CABLES1: variants seen among roughly 807,000 people sequenced by gnomAD.
The protein encoded by CABLES1 is Cdk5 and Abl enzyme substrate 1, also known as CDK5 and ABL1 enzyme substrate 1.
CABLES1 carries 36 observed loss-of-function variants against 57.8 expected under a neutral mutation model. The observed-to-expected ratio is 0.62, with a 90% CI of 0.48 to 0.82. The LOEUF (loss-of-function observed/expected upper bound fraction) is 0.82. Ranked by LOEUF, CABLES1 falls within the 40% of genes least tolerant of loss-of-function variation. The pLI is 0.00. For synonymous variants in CABLES1, 374 were observed against 363.0 expected (o/e 1.03, Z -0.35); for missense variants, 767 against 836.6 (o/e 0.92, Z 1.03).
chr18:23,168,648 CAG>C (rs1351961671), intron 1 of CABLES1, among the ~76,000 whole-genome samples: 2 of 152,162 alleles, frequency 1.3e-5, no homozygotes, highest in Non-Finnish European at 2.9e-5. Context: ...AAAACAAAAA[CAG>C]GGCATGGAGC....
intron 1 of CABLES1, among the ~76,000 whole-genome samples, chr18:23,174,901 A>G (rs961859428): frequency 1.4e-5 from 2 of 147,674 alleles, no homozygotes; most frequent in African/African-American, 2.5e-5. Context: ...ATAGCTTTCT[A>G]TAGCAAAGCC....
chr18:23,217,618 T>A (rs954320720), intron 4 of CABLES1, among the ~76,000 whole-genome samples: 1 of 152,242 alleles, frequency 6.6e-6, no homozygotes, highest in African/African-American at 2.4e-5. Flanking sequence ...TTATGATTTT[T>A]AAATTTTTTT....
intron 7 of CABLES1, among the ~76,000 whole-genome samples, chr18:23,249,037 C>T (rs760260541): frequency 2.6e-5 from 4 of 152,128 alleles, no homozygotes; most frequent in Non-Finnish European, 5.9e-5. Context: ...GCTCCAGATC[C>T]GTGCTGCTCT....
intron 3 of CABLES1, among the ~76,000 whole-genome samples, chr18:23,207,086 C>T (rs889245416): frequency 4.7e-4 from 72 of 152,274 alleles, no homozygotes; most frequent in African/African-American, 1.6e-3. Flanking sequence ...TCTGGGATTA[C>T]AGATGTGAGC....
intron 1 of CABLES1, among the ~76,000 whole-genome samples, chr18:23,149,021 C>CT (rs902796273): frequency 5.3e-5 from 8 of 151,992 alleles, no homozygotes; most frequent in African/African-American, 1.9e-4. Context: ...TCCTGAGTAG[C>CT]TGGGACTTCA....
chr18:23,208,051 C>T (rs1379126753), intron 3 of CABLES1, among the ~76,000 whole-genome samples: 1 of 152,196 alleles, frequency 6.6e-6, no homozygotes, highest in Non-Finnish European at 1.5e-5. Flanking sequence ...TCCCTTCCTC[C>T]TGTTCCCACC....
chr18:23,252,083 C>T lies in CABLES1; in HGVS notation c.1447-877C>T, dbSNP rs145365997. Among the ~76,000 whole-genome samples the T allele has an allele frequency of 6.3e-3, 909 of 144,794 alleles. 4 individuals carry two copies. Among genetic ancestry groups the T allele is most frequent in the African/African-American group, 0.02 (786 of 39,430 alleles). The allele number at this position is 144,794 out of a possible 152,430, so 95.0% of individuals were successfully genotyped here. On this transcript the variant is annotated intron_variant, in intron 7 of 9. Coordinates refer to ENST00000256925, the MANE Select transcript of CABLES1 (RefSeq NM_001100619.3). ...CCTGGGCAACAAAGTGAGACTCCGTCTCAAAAAAAAAAAAAAAGACTCCAT... is the reference window on the plus strand; with the variant it reads ...CCTGGGCAACAAAGTGAGACTCCGTTTCAAAAAAAAAAAAAAAGACTCCAT...
intron 1 of CABLES1, among the ~76,000 whole-genome samples, chr18:23,187,999 C>T (rs755724365): frequency 5.9e-4 from 90 of 152,162 alleles, no homozygotes; most frequent in Non-Finnish European, 1.1e-3. Flanking sequence ...TTTTTAGTTC[C>T]GTTTTAAGGA....
At chr18:23,143,540 A>C (rs2046871125) in intron 1 of CABLES1, among the ~76,000 whole-genome samples, 1 of 152,108 alleles carries the variant, frequency 6.6e-6, no homozygotes, top group Non-Finnish European at 1.5e-5. Context: ...TTTATAAATA[A>C]TACTTTCTTG....
chr18:23,255,957 C>CT (rs1381561697), intron 9 of CABLES1, among the ~76,000 whole-genome samples: 1 of 152,168 alleles, frequency 6.6e-6, no homozygotes, highest in Non-Finnish European at 1.5e-5. Flanking sequence ...ACAGCAAAAG[C>CT]TGACTTTACC....
intron 1 of CABLES1, among the ~76,000 whole-genome samples, chr18:23,143,249 T>C (rs2144950599): frequency 6.6e-6 from 1 of 152,348 alleles, no homozygotes; most frequent in Admixed American, 6.5e-5. Flanking sequence ...CCTGTGACTC[T>C]GGCAATTAAC....
intron 1 of CABLES1, chr18:23,155,709 G>A: frequency 3.4e-6 from 3 of 876,124 alleles, no homozygotes; most frequent in Non-Finnish European, 3.3e-6. Flanking sequence ...TGGTCTCCAC[G>A]TGGCAGGATC....
chr18:23,143,680 C>G (rs113212851), intron 1 of CABLES1, among the ~76,000 whole-genome samples: 156 of 152,354 alleles, frequency 1.0e-3, no homozygotes, highest in African/African-American at 3.7e-3. Flanking sequence ...GTGCTTCCCC[C>G]ACCCTAGCCC....
At chr18:23,143,178 A>G (rs138545571) in intron 1 of CABLES1, among the ~76,000 whole-genome samples, 1 of 152,154 alleles carries the variant, frequency 6.6e-6, no homozygotes, top group Non-Finnish European at 1.5e-5. Flanking sequence ...CTTTTCTGTC[A>G]TCTAGGGAAG....
chr18:23,230,446 C>T lies in CABLES1; in HGVS notation c.1089-4162C>T, dbSNP rs541214271. 3.8e-3 allele frequency among the ~76,000 whole-genome samples: 584 copies of T among 152,298 alleles called. 4 individuals carry two copies. The highest frequency in any genetic ancestry group is 0.014 in the African/African-American group (562 of 41,568). On this transcript the variant is annotated intron_variant, in intron 4 of 9. Transcript: ENST00000256925. ...GATCTGTTTTGTTTTCTGTGGACGG[C>T]TGACTATGCCCACGCCTGTACGTGT...
chr18:23,215,990 G>A (rs946225184), intron 4 of CABLES1, among the ~76,000 whole-genome samples: 11 of 152,090 alleles, frequency 7.2e-5, no homozygotes, highest in Non-Finnish European at 1.2e-4. Flanking sequence ...TCCTGACCTC[G>A]TGATCTGCCC....
intron 1 of CABLES1, among the ~76,000 whole-genome samples, chr18:23,138,201 T>C (rs1023514168): frequency 1.3e-5 from 2 of 152,216 alleles, no homozygotes; most frequent in Admixed American, 1.3e-4. Context: ...TAAAGGCAGC[T>C]GGAGATCAGA....
chr18:23,138,123 A>G (rs1218079442), intron 1 of CABLES1, among the ~76,000 whole-genome samples: 1 of 152,180 alleles, frequency 6.6e-6, no homozygotes, highest in Non-Finnish European at 1.5e-5. Context: ...TAATAAACAT[A>G]CGTGTTATTC....
At chr18:23,183,643 C>T (rs1291041453) in intron 1 of CABLES1, among the ~76,000 whole-genome samples, 1 of 152,194 alleles carries the variant, frequency 6.6e-6, no homozygotes, top group Non-Finnish European at 1.5e-5. Context: ...GACATACACA[C>T]TTCCATCTGA....
Sources: gnomAD v4.1 joint callset for allele counts (sites outside exome capture counted in the v4.1 genomes callset) on GRCh38, gnomAD v4.1.1 for gene constraint, MANE v1.5 for transcripts, NCBI Gene and HGNC (gene_info 2026-07-23, HGNC 2026-07-21) for gene names.